SLC25A13: variants seen among roughly 807,000 people sequenced by gnomAD.
The protein encoded by SLC25A13 is electrogenic aspartate/glutamate antiporter SLC25A13, mitochondrial.
In SLC25A13, 70 loss-of-function variants were observed where a neutral mutation model predicts 85.5. The ratio of observed to expected loss-of-function variants is 0.82; its 90% confidence interval spans 0.68 to 1.00. The LOEUF is 1.00. SLC25A13 is among the 50% of genes least tolerant of loss of function. The probability of loss-of-function intolerance (pLI) is 0.00; values close to 1 mark genes in which losing one functional copy is unlikely to be tolerated. For synonymous variants in SLC25A13, 259 were observed against 288.7 expected (o/e 0.90, Z 1.04); for missense variants, 765 against 819.8 (o/e 0.93, Z 0.82).
At chr7:96,224,162 C>T (rs1461221431) in intron 4 of SLC25A13, among the ~76,000 whole-genome samples, 2 of 152,152 alleles carry the variant, frequency 1.3e-5, no homozygotes, top group Non-Finnish European at 2.9e-5. Context: ...TTCAGCTCTT[C>T]CACTCACAAA....
intron 1 of SLC25A13, among the ~76,000 whole-genome samples, chr7:96,314,820 G>C (rs1027992074): frequency 6.6e-6 from 1 of 152,140 alleles, no homozygotes; most frequent in African/African-American, 2.4e-5. Flanking sequence ...AAAAAGACCT[G>C]CTCCCTGACT....
chr7:96,191,970 G>T (rs1794873217), intron 6 of SLC25A13, among the ~76,000 whole-genome samples: 1 of 152,138 alleles, frequency 6.6e-6, no homozygotes, highest in Non-Finnish European at 1.5e-5. Context: ...TCCTTCCCTA[G>T]CAAGGCAAAA....
intron 2 of SLC25A13, among the ~76,000 whole-genome samples, chr7:96,296,188 A>T (rs1799338496): frequency 6.6e-6 from 1 of 152,036 alleles, no homozygotes; most frequent in African/African-American, 2.4e-5. Context: ...TGATGACCAC[A>T]ACAATAGGCT....
intron 1 of SLC25A13, chr7:96,306,995 A>T: frequency 1.2e-6 from 1 of 822,292 alleles, no homozygotes; most frequent in Non-Finnish European, 2.0e-6. Context: ...TCCCTTTGCC[A>T]TGAGTCTGCG....
chr7:96,275,002 G>C (rs548161587), intron 3 of SLC25A13, among the ~76,000 whole-genome samples: 133 of 152,222 alleles, frequency 8.7e-4, no homozygotes, highest in Non-Finnish European at 1.6e-3. Flanking sequence ...GCTCTTTTTC[G>C]ATTCCATATG....
At chr7:96,253,266 T>C (rs892065238) in intron 3 of SLC25A13, among the ~76,000 whole-genome samples, 19 of 151,894 alleles carry the variant, frequency 1.3e-4, no homozygotes, top group African/African-American at 4.3e-4. Context: ...ATGCCAGGAA[T>C]TGGGGAAGAA....
intron 11 of SLC25A13, among the ~76,000 whole-genome samples, chr7:96,174,818 G>A (rs1292340388): frequency 3.9e-5 from 6 of 152,224 alleles, no homozygotes. Flanking sequence ...CATAAATTTA[G>A]TAATGCATTG....
At chr7:96,238,441 A>G (rs1436057064) in intron 3 of SLC25A13, among the ~76,000 whole-genome samples, 3 of 151,764 alleles carry the variant, frequency 2.0e-5, no homozygotes. Context: ...ACTTTGTTAC[A>G]GCAGCCTGAG....
chr7:96,157,325 C>T (rs1317057461), intron 13 of SLC25A13, among the ~76,000 whole-genome samples: 2 of 152,004 alleles, frequency 1.3e-5, no homozygotes, highest in Non-Finnish European at 2.9e-5. Flanking sequence ...TGCAAAAAAA[C>T]CAAACTGTGG....
At chr7:96,245,470 C>A (rs1797154015) in intron 3 of SLC25A13, among the ~76,000 whole-genome samples, 1 of 152,194 alleles carries the variant, frequency 6.6e-6, no homozygotes, top group Admixed American at 6.5e-5. Flanking sequence ...AGAGACAAAT[C>A]ATATTCACCA....
intron 4 of SLC25A13, among the ~76,000 whole-genome samples, chr7:96,218,743 C>T (rs1041822930): frequency 2.0e-5 from 3 of 152,102 alleles, no homozygotes; most frequent in African/African-American, 7.2e-5. Context: ...ACAATAAACA[C>T]AAAAGGGATG....
chr7:96,296,451 G>A (rs1345906423), intron 2 of SLC25A13, among the ~76,000 whole-genome samples: 1 of 151,530 alleles, frequency 6.6e-6, no homozygotes, highest in Non-Finnish European at 1.5e-5. Context: ...TATTTGTAAG[G>A]CTCTCCCCTC....
chr7:96,270,840 T>C (rs1289346125), intron 3 of SLC25A13, among the ~76,000 whole-genome samples: 9 of 152,164 alleles, frequency 5.9e-5, no homozygotes, highest in Admixed American at 3.3e-4. Flanking sequence ...CTCCAAAGGC[T>C]CTTGCGGAAA....
intron 5 of SLC25A13, among the ~76,000 whole-genome samples, chr7:96,196,638 ATGATGAACAACC>A (rs1174609177): frequency 1.3e-5 from 2 of 152,226 alleles, no homozygotes; most frequent in African/African-American, 4.8e-5. Flanking sequence ...TTTAAGTCTG[ATGATGAACAACC>A]TGAGAATACA....
intron 9 of SLC25A13, among the ~76,000 whole-genome samples, chr7:96,185,264 G>A (rs1794587465): frequency 6.6e-6 from 1 of 152,060 alleles, no homozygotes; most frequent in Non-Finnish European, 1.5e-5. Context: ...GATGTTATAA[G>A]CCTATTTTCA....
intron 3 of SLC25A13, among the ~76,000 whole-genome samples, chr7:96,269,392 G>C (rs770088720): frequency 1.3e-5 from 2 of 152,204 alleles, no homozygotes; most frequent in Non-Finnish European, 2.9e-5. Flanking sequence ...CCACACATAG[G>C]TGAAGTCTTT....
intron 5 of SLC25A13, among the ~76,000 whole-genome samples, chr7:96,206,407 A>C (rs1030276476): frequency 6.6e-6 from 1 of 152,252 alleles, no homozygotes; most frequent in African/African-American, 2.4e-5. Flanking sequence ...CAAACAAAGC[A>C]TCTGAAGTAG....
At chr7:96,255,671 G>C (rs974843051) in intron 3 of SLC25A13, among the ~76,000 whole-genome samples, 5 of 151,862 alleles carry the variant, frequency 3.3e-5, no homozygotes, top group African/African-American at 1.2e-4. Flanking sequence ...TGGACAACAG[G>C]GCAAAACCCT....
intron 4 of SLC25A13, among the ~76,000 whole-genome samples, chr7:96,230,583 T>G (rs538158335): frequency 2.2e-4 from 33 of 152,274 alleles, no homozygotes; most frequent in Non-Finnish European, 4.3e-4. Context: ...AATTTACCAG[T>G]CATACCAACA....
Sources: allele counts gnomAD v4.1 joint callset (sites outside exome capture counted in the v4.1 genomes callset), GRCh38; gene constraint gnomAD v4.1.1; transcripts MANE v1.5; gene names NCBI Gene and HGNC (gene_info 2026-07-23, HGNC 2026-07-21).